The following KHDRBS2 variants were observed in gnomAD, a reference collection of about 807,000 sequenced individuals.
KHDRBS2 encodes KH domain-containing, RNA-binding, signal transduction-associated protein 2.
Under a neutral mutation model 44.3 loss-of-function variants are expected in KHDRBS2, and 26 were observed. The observed-to-expected ratio is 0.59, with a 90% confidence interval of 0.43 to 0.81. The LOEUF is 0.81. Ranked by LOEUF, KHDRBS2 falls within the 40% of genes least tolerant of loss-of-function variation. The pLI, the probability that KHDRBS2 is intolerant of heterozygous loss-of-function variation, is 0.00. For synonymous variants in KHDRBS2, 194 were observed against 151.1 expected, an observed-to-expected ratio of 1.28 and a Z score of -2.08; for missense variants, 476 against 433.1, an observed-to-expected ratio of 1.10 and a Z score of -0.88.
At chr6:61,648,464 G>A in the KHDRBS2 span, among the ~76,000 whole-genome samples, 5 of 152,070 alleles carry the variant, frequency 3.3e-5, no homozygotes, top group African/African-American at 1.2e-4. Flanking sequence ...CTTTTCCACA[G>A]CTATTCTAAT....
intron 6 of KHDRBS2, among the ~76,000 whole-genome samples, chr6:61,805,137 A>T (rs778308462): frequency 5.3e-5 from 8 of 152,282 alleles, no homozygotes; most frequent in Non-Finnish European, 7.4e-5. Flanking sequence ...CCCAGGTCAC[A>T]TCCTGAATGC....
chr6:61,639,375 T>C, the KHDRBS2 span, among the ~76,000 whole-genome samples: 3 of 152,114 alleles, frequency 2.0e-5, no homozygotes, highest in Non-Finnish European at 2.9e-5. Flanking sequence ...TTTCTTACTT[T>C]CCTCACCTCT....
chr6:62,192,987 T>A (rs1366143705), intron 1 of KHDRBS2, among the ~76,000 whole-genome samples: 1 of 152,110 alleles, frequency 6.6e-6, no homozygotes, highest in East Asian at 1.9e-4. Context: ...TAAATACATT[T>A]CTAGTATTTA....
chr6:62,228,622 T>G (rs1832338466), intron 1 of KHDRBS2, among the ~76,000 whole-genome samples: 1 of 152,196 alleles, frequency 6.6e-6, no homozygotes. Context: ...AATTGTGATA[T>G]TATGCTGTTG....
At chr6:62,066,074 C>A (rs1472451125) in intron 2 of KHDRBS2, among the ~76,000 whole-genome samples, 1 of 151,616 alleles carries the variant, frequency 6.6e-6, no homozygotes, top group African/African-American at 2.4e-5. Flanking sequence ...ATTTATACAA[C>A]TGTATTAGGG....
At chr6:61,639,194 G>T in the KHDRBS2 span, among the ~76,000 whole-genome samples, 1 of 151,892 alleles carries the variant, frequency 6.6e-6, no homozygotes, top group East Asian at 1.9e-4. Context: ...TCCCATATAT[G>T]GAAAAATGAA....
the KHDRBS2 span, among the ~76,000 whole-genome samples, chr6:61,585,319 G>A: frequency 6.6e-6 from 1 of 152,000 alleles, no homozygotes; most frequent in African/African-American, 2.4e-5. Flanking sequence ...TTCATCATTT[G>A]TAAGCCTTCA....
chr6:62,169,114 T>A, intron 2 of KHDRBS2, among the ~76,000 whole-genome samples: 1 of 142,220 alleles, frequency 7.0e-6, no homozygotes, highest in South Asian at 2.2e-4. Context: ...TACACATATA[T>A]GTGTGTATAT....
At chr6:62,253,190 T>A (rs1389028111) in intron 1 of KHDRBS2, among the ~76,000 whole-genome samples, 2 of 152,082 alleles carry the variant, frequency 1.3e-5, no homozygotes, top group African/African-American at 4.8e-5. Flanking sequence ...GAGTATCTTT[T>A]ATTTCTGCAA....
the KHDRBS2 span, among the ~76,000 whole-genome samples, chr6:61,581,119 A>G: frequency 1.3e-5 from 2 of 152,270 alleles, no homozygotes; most frequent in South Asian, 4.1e-4. Context: ...TCCCCAATAC[A>G]AACTCTCTGC....
chr6:61,612,052 C>CAT, the KHDRBS2 span, among the ~76,000 whole-genome samples: 3 of 152,100 alleles, frequency 2.0e-5, no homozygotes, highest in Non-Finnish European at 4.4e-5. Flanking sequence ...TATACTTGAA[C>CAT]ATATATAACT....
At chr6:62,240,672 G>GTGTGTATATA (rs1252806819) in intron 1 of KHDRBS2, among the ~76,000 whole-genome samples, 5 of 64,154 alleles carry the variant, frequency 7.8e-5, no homozygotes, top group Non-Finnish European at 1.5e-4. Context: ...ATGTGTGTGT[G>GTGTGTATATA]TATATATATA....
At chr6:61,954,171 C>T (rs1316429397) in intron 4 of KHDRBS2, among the ~76,000 whole-genome samples, 1 of 151,956 alleles carries the variant, frequency 6.6e-6, no homozygotes, top group African/African-American at 2.4e-5. Flanking sequence ...TCCAGAAGCA[C>T]CTGCCAAGGT....
At chr6:61,720,456 T>C (rs980677499) in intron 7 of KHDRBS2, among the ~76,000 whole-genome samples, 4 of 152,154 alleles carry the variant, frequency 2.6e-5, no homozygotes, top group African/African-American at 9.7e-5. Context: ...CCTGACTTTT[T>C]AATGATTGCC....
intron 2 of KHDRBS2, among the ~76,000 whole-genome samples, chr6:62,130,054 C>T (rs1368102363): frequency 4.6e-5 from 7 of 152,066 alleles, no homozygotes; most frequent in African/African-American, 1.7e-4. Context: ...AGCTTAATTG[C>T]TTATGGTTAT....
intron 2 of KHDRBS2, among the ~76,000 whole-genome samples, chr6:62,101,822 C>T (rs1049247622): frequency 6.6e-6 from 1 of 152,316 alleles, no homozygotes; most frequent in East Asian, 1.9e-4. Flanking sequence ...GCAAATACCA[C>T]ATGACTTTCT....
Position 62,057,745 on chromosome 6 carries a change from G to C in KHDRBS2, c.220-9751C>G, listed in dbSNP as rs1790624982. Among the ~76,000 whole-genome samples the C allele has an allele frequency of 2.0e-5, 3 of 151,782 alleles. No individual in the cohort carries two copies. In the South Asian group the frequency reaches 6.2e-4, roughly 31 times the overall value. The stretch of plus-strand genomic sequence containing the variant: ...ATTAAATATCTTCAAATAATTTCAA[G>C]GTATTTTATTCACACGTGTTTAAGA... On this transcript the variant is annotated intron_variant, in intron 2 of 8. Coordinates refer to ENST00000281156, the MANE Select transcript of KHDRBS2 (RefSeq NM_152688.4).
intron 2 of KHDRBS2, among the ~76,000 whole-genome samples, chr6:62,049,107 T>C (rs746039601): frequency 2.0e-5 from 3 of 151,918 alleles, no homozygotes; most frequent in African/African-American, 4.8e-5. Context: ...TTACCCCTTT[T>C]ATTCAATTTT....
At chr6:61,586,025 A>G in the KHDRBS2 span, among the ~76,000 whole-genome samples, 6 of 152,300 alleles carry the variant, frequency 3.9e-5, no homozygotes, top group Admixed American at 3.9e-4. Flanking sequence ...TGGTGGAGCC[A>G]ACACTGAGAT....
Sources: allele counts gnomAD v4.1 joint callset (sites outside exome capture counted in the v4.1 genomes callset), GRCh38; gene constraint gnomAD v4.1.1; transcripts MANE v1.5; gene names NCBI Gene and HGNC (gene_info 2026-07-23, HGNC 2026-07-21).